The following RANBP2 variants were observed in gnomAD, a reference collection of about 807,000 sequenced individuals.
RANBP2 encodes the protein E3 SUMO-protein ligase RanBP2.
RANBP2 carries 57 observed loss-of-function variants against 303.6 expected under a neutral mutation model. The observed-to-expected ratio is 0.19, with a 90% CI of 0.15 to 0.23. The LOEUF is 0.23. Ranked by LOEUF, RANBP2 falls within the 10% of genes least tolerant of loss-of-function variation. RANBP2 has a pLI of 1.00. For synonymous variants in RANBP2, 1,167 were observed against 1,301.5 expected (o/e 0.90, Z 2.23); for missense variants, 3,138 against 3,780.8 (o/e 0.83, Z 4.46).
chr2:108,772,399 A>T, intron 21 of RANBP2, 90 bp from the exon 22 acceptor site: 1 of 954,408 alleles, frequency 1.0e-6, no homozygotes, highest in Non-Finnish European at 1.7e-6. Context: ...AGATGTGGAG[A>T]GTGAGAAATG....
chr2:109,276,787 A>G, the RANBP2 span, among the ~76,000 whole-genome samples: 1 of 151,520 alleles, frequency 6.6e-6, no homozygotes, highest in South Asian at 2.1e-4. Context: ...TTTGACTTAC[A>G]TATATATATA....
the RANBP2 span, among the ~76,000 whole-genome samples, chr2:109,099,641 C>T: frequency 6.6e-6 from 1 of 151,850 alleles, no homozygotes. Context: ...TTTTATTTCT[C>T]ACTGTTGTTG....
chr2:109,221,684 C>T, the RANBP2 span, among the ~76,000 whole-genome samples: 1 of 151,244 alleles, frequency 6.6e-6, no homozygotes, highest in Non-Finnish European at 1.5e-5. Context: ...TGAGAAATGT[C>T]TCTTCCTTTC....
the RANBP2 span, among the ~76,000 whole-genome samples, chr2:109,159,826 G>T: frequency 9.9e-3 from 1,504 of 152,308 alleles, 21 homozygotes; most frequent in African/African-American, 0.034. Flanking sequence ...AGAATCTAAC[G>T]CCTCATGATC....
At chr2:109,449,103 TGC>T in the RANBP2 span, 4 of 1,537,788 alleles carry the variant, frequency 2.6e-6, no homozygotes, top group Admixed American at 1.9e-5. Context: ...GCATTGCAGC[TGC>T]CTGGCAGGCA....
the RANBP2 span, among the ~76,000 whole-genome samples, chr2:109,193,615 A>G: frequency 6.6e-6 from 1 of 152,078 alleles, no homozygotes; most frequent in African/African-American, 2.4e-5. Flanking sequence ...ATTCTGTTGT[A>G]TGGATGCACC....
At chr2:108,823,821 A>G in the RANBP2 span, among the ~76,000 whole-genome samples, 1 of 152,184 alleles carries the variant, frequency 6.6e-6, no homozygotes, top group Non-Finnish European at 1.5e-5. Flanking sequence ...TACTAAAAAT[A>G]CAGAAATTAG....
the RANBP2 span, among the ~76,000 whole-genome samples, chr2:109,732,451 C>T: frequency 6.6e-6 from 1 of 151,126 alleles, no homozygotes; most frequent in African/African-American, 2.4e-5. Context: ...GGACTTCCCT[C>T]TTTCAGTATG....
At chr2:108,995,996 A>C in the RANBP2 span, among the ~76,000 whole-genome samples, 1 of 152,182 alleles carries the variant, frequency 6.6e-6, no homozygotes, top group Non-Finnish European at 1.5e-5. Context: ...AAAAATTGGG[A>C]TATGCAATTT....
At chr2:108,966,609 A>G in the RANBP2 span, among the ~76,000 whole-genome samples, 1 of 152,232 alleles carries the variant, frequency 6.6e-6, no homozygotes, top group African/African-American at 2.4e-5. Flanking sequence ...GCCCAAGTGC[A>G]TTCAAATAGT....
the RANBP2 span, among the ~76,000 whole-genome samples, chr2:109,674,901 C>T: frequency 6.6e-6 from 1 of 152,162 alleles, no homozygotes; most frequent in Non-Finnish European, 1.5e-5. Flanking sequence ...CCAGTCTTTT[C>T]CCCATGGCTT....
Position 108,765,385 on chromosome 2 carries a change from T to C in RANBP2, c.4846T>C (p.Leu1616=). The C allele has an allele frequency of 2.4e-6, 3 of 1,239,514 alleles. No individual in the cohort carries two copies. Among genetic ancestry groups the C allele is most frequent in the Non-Finnish European group, 3.6e-6 (3 of 844,576 alleles). The allele number at this position is 1,239,514 out of a possible 1,614,324, so 76.8% of individuals were successfully genotyped here. A position where few individuals can be genotyped will look rare whatever the true frequency, so the allele number is the denominator to read the frequency against. ...KEGQWDCSVC[L]VRNEASATKC... is the part of the protein sequence containing the mutation. ...GGGACAGTGGGATTGCAGTGTGTGCTTAGTAAGAAATGAAGCCAGTGCTAC... is the reference window on the plus strand; with the variant it reads ...GGGACAGTGGGATTGCAGTGTGTGCCTAGTAAGAAATGAAGCCAGTGCTAC... The change falls in exon 20 of 29, where the codon TTA becomes CTA. Residue 1616 remains leucine, a synonymous_variant. Coordinates refer to ENST00000283195, the MANE Select transcript of RANBP2 (RefSeq NM_006267.5).
the RANBP2 span, among the ~76,000 whole-genome samples, chr2:109,157,441 A>G: frequency 6.6e-6 from 1 of 152,202 alleles, no homozygotes; most frequent in African/African-American, 2.4e-5. Context: ...TATAAATGAC[A>G]TTTTCAATCT....
the RANBP2 span, among the ~76,000 whole-genome samples, chr2:109,297,422 C>G: frequency 1.3e-5 from 2 of 152,134 alleles, no homozygotes; most frequent in Non-Finnish European, 2.9e-5. Context: ...CTGCAAGAGG[C>G]CTGTGTACCC....
At chr2:108,992,242 T>C in the RANBP2 span, among the ~76,000 whole-genome samples, 35,893 of 152,144 alleles carry the variant, frequency 0.24, 5,938 homozygotes, top group East Asian at 0.84. Flanking sequence ...TCACGTCTTC[T>C]ACGTGCCGGT....
chr2:109,357,839 CT>C, the RANBP2 span, among the ~76,000 whole-genome samples: 1 of 152,208 alleles, frequency 6.6e-6, no homozygotes, highest in Non-Finnish European at 1.5e-5. Flanking sequence ...ACCTCTGCCC[CT>C]ACATGCAAAG....
At chr2:108,907,607 C>T in the RANBP2 span, among the ~76,000 whole-genome samples, 1 of 151,876 alleles carries the variant, frequency 6.6e-6, no homozygotes, top group African/African-American at 2.4e-5. Flanking sequence ...GAGATCGCAC[C>T]ACTGCACTCC....
Position 108,784,514 on chromosome 2 carries a change from T to C in RANBP2, c.*613T>C, listed in dbSNP as rs1678470448. The C allele has an allele frequency of 6.6e-6, 1 of 152,660 alleles. No individual in the cohort carries two copies. Among genetic ancestry groups the C allele is most frequent in the African/African-American group, 2.4e-5 (1 of 41,450 alleles). 9.5% of individuals were successfully genotyped at this position (152,660 alleles called of 1,614,324 possible). ...ATATCTAGCTTCCTGTGCCCTTTCATAGATATTCGATTAATTTTTACATTT... is the reference window on the plus strand; with the variant it reads ...ATATCTAGCTTCCTGTGCCCTTTCACAGATATTCGATTAATTTTTACATTT... On this transcript the variant is annotated 3_prime_UTR_variant, in exon 29 of 29. Transcript: ENST00000283195.
the RANBP2 span, among the ~76,000 whole-genome samples, chr2:109,264,341 G>A: frequency 0.24 from 32,194 of 134,864 alleles, 3,163 homozygotes; most frequent in East Asian, 0.43. Context: ...ACCTCCCCAG[G>A]ATCCACTCCG....
Sources: gnomAD v4.1 joint callset for allele counts (sites outside exome capture counted in the v4.1 genomes callset) on GRCh38, gnomAD v4.1.1 for gene constraint, MANE v1.5 for transcripts, NCBI Gene and HGNC (gene_info 2026-07-23, HGNC 2026-07-21) for gene names.